The following SPAG16 variants were observed in gnomAD, a reference collection of about 807,000 sequenced individuals.
The protein encoded by SPAG16 is sperm-associated antigen 16 protein.
In SPAG16, 86 loss-of-function variants were observed where a neutral mutation model predicts 80.4. The ratio of observed to expected loss-of-function variants is 1.07; its 90% CI spans 0.90 to 1.28. The LOEUF is 1.28. Among genes scored for constraint, SPAG16 ranks in the 50% most tolerant of loss-of-function variants. The pLI is 0.00. For missense variants in SPAG16, 870 were observed against 765.3 expected, an observed-to-expected ratio of 1.14 and a Z score of -1.61; for synonymous variants, 294 against 265.9, an observed-to-expected ratio of 1.11 and a Z score of -1.03.
Position 213,284,628 on chromosome 2 carries a change from C to A in SPAG16, c.136+9C>A, listed in dbSNP as rs570295523. 2 of 1,603,682 alleles carry A rather than the reference C, an allele frequency of 1.2e-6. No individual in the cohort carries two copies. Among genetic ancestry groups the A allele is most frequent in the African/African-American group, 2.7e-5 (2 of 74,684 alleles). Reference sequence around the variant, plus strand: ...CGCCTACTACCTGGAACGTATCCTTCCCGTGGAGGCGCGGCCCGCTGCGCT... The same window carrying A: ...CGCCTACTACCTGGAACGTATCCTTACCGTGGAGGCGCGGCCCGCTGCGCT... On this transcript the variant is annotated intron_variant, in intron 1 of 15. Transcript: ENST00000331683.
At chr2:213,967,712 A>G (rs1310181567) in intron 12 of SPAG16, among the ~76,000 whole-genome samples, 1 of 152,176 alleles carries the variant, frequency 6.6e-6, no homozygotes, top group African/African-American at 2.4e-5. Context: ...ACCATGTTTT[A>G]TGTTTATTAA....
At chr2:213,678,691 A>C (rs1469538788) in intron 10 of SPAG16, among the ~76,000 whole-genome samples, 1 of 152,056 alleles carries the variant, frequency 6.6e-6, no homozygotes, top group Non-Finnish European at 1.5e-5. Flanking sequence ...CAGAAAGCTC[A>C]CTTCCTGGCA....
At chr2:214,215,129 A>T (rs916435416) in intron 15 of SPAG16, among the ~76,000 whole-genome samples, 1 of 152,190 alleles carries the variant, frequency 6.6e-6, no homozygotes, top group African/African-American at 2.4e-5. Flanking sequence ...ACCTTTCTCA[A>T]TATGACTTAG....
intron 15 of SPAG16, among the ~76,000 whole-genome samples, chr2:214,393,300 G>A (rs1409192731): frequency 6.6e-6 from 1 of 152,120 alleles, no homozygotes; most frequent in Non-Finnish European, 1.5e-5. Flanking sequence ...ATCAGCCCCT[G>A]AAGGAAATAT....
chr2:213,814,649 G>A (rs2072399241), intron 10 of SPAG16, among the ~76,000 whole-genome samples: 1 of 152,072 alleles, frequency 6.6e-6, no homozygotes, highest in South Asian at 2.1e-4. Flanking sequence ...AATTACCTGG[G>A]CATAGTGGCA....
At position 213,391,271 on chromosome 2, in the gene SPAG16, A is replaced by T. The variant is rs183892529; in HGVS notation, c.942+16152A>T. On this transcript the variant is annotated intron_variant, in intron 9 of 15. Transcript: ENST00000331683. ...CGATGGAGCGAGACTCCGTTTCAAA[A>T]AAATAAATAAATAAATGATACATAA... Among the ~76,000 whole-genome samples, 38 of 152,332 alleles carry T rather than the reference A, an allele frequency of 2.5e-4. No homozygotes were observed. In the East Asian group the frequency reaches 2.9e-3, roughly 12 times the overall value.
intron 10 of SPAG16, among the ~76,000 whole-genome samples, chr2:213,778,320 G>T (rs972357376): frequency 6.6e-6 from 1 of 152,038 alleles, no homozygotes; most frequent in African/African-American, 2.4e-5. Flanking sequence ...ACACTATTTT[G>T]AGAATTGACA....
chr2:214,386,110 C>T (rs1022714398), intron 15 of SPAG16, among the ~76,000 whole-genome samples: 2 of 152,042 alleles, frequency 1.3e-5, no homozygotes, highest in Admixed American at 6.5e-5. Context: ...TGCGGTGGCT[C>T]ATGCCTGCAA....
intron 10 of SPAG16, among the ~76,000 whole-genome samples, chr2:213,493,197 C>A (rs534736643): frequency 7.9e-5 from 12 of 152,152 alleles, no homozygotes; most frequent in African/African-American, 2.9e-4. Context: ...ATGACAAGCA[C>A]GACCTAGGAT....
chr2:213,760,889 C>G (rs1371714732), intron 10 of SPAG16, among the ~76,000 whole-genome samples: 1 of 152,180 alleles, frequency 6.6e-6, no homozygotes, highest in African/African-American at 2.4e-5. Flanking sequence ...GAGAAAGAGA[C>G]AGACATCAGG....
chr2:214,177,937 C>A (rs1375174000), intron 15 of SPAG16, among the ~76,000 whole-genome samples: 16 of 37,666 alleles, frequency 4.2e-4, no homozygotes, highest in African/African-American at 9.6e-4. Context: ...ATATATATGG[C>A]CAGAATTGTT....
At chr2:213,882,489 TA>T (rs1316840983) in intron 11 of SPAG16, among the ~76,000 whole-genome samples, 2 of 152,218 alleles carry the variant, frequency 1.3e-5, no homozygotes, top group African/African-American at 4.8e-5. Flanking sequence ...CAGATTTTGA[TA>T]TTTACCTATT....
At chr2:213,856,220 G>A (rs2075161586) in intron 10 of SPAG16, among the ~76,000 whole-genome samples, 1 of 152,140 alleles carries the variant, frequency 6.6e-6, no homozygotes, top group Non-Finnish European at 1.5e-5. Flanking sequence ...ATTCCAAAAT[G>A]TTCTCTTTGA....
intron 10 of SPAG16, among the ~76,000 whole-genome samples, chr2:213,529,146 A>C (rs943545259): frequency 5.3e-5 from 8 of 152,160 alleles, no homozygotes; most frequent in African/African-American, 1.7e-4. Flanking sequence ...CATAAATTTC[A>C]TTATTTTAAG....
chr2:214,268,260 G>C (rs775824786), intron 15 of SPAG16, among the ~76,000 whole-genome samples: 1 of 151,714 alleles, frequency 6.6e-6, no homozygotes, highest in African/African-American at 2.4e-5. Flanking sequence ...CAGTATGAAC[G>C]TTCCTTTATT....
chr2:213,736,393 T>C (rs899962390), intron 10 of SPAG16, among the ~76,000 whole-genome samples: 1 of 151,950 alleles, frequency 6.6e-6, no homozygotes, highest in Non-Finnish European at 1.5e-5. Context: ...TTCCAGGTTA[T>C]TCTCCCATTT....
intron 10 of SPAG16, among the ~76,000 whole-genome samples, chr2:213,839,471 C>T (rs1288711140): frequency 6.6e-6 from 1 of 152,164 alleles, no homozygotes; most frequent in Non-Finnish European, 1.5e-5. Context: ...TATCAATAGA[C>T]TTTCCTTATC....
intron 10 of SPAG16, among the ~76,000 whole-genome samples, chr2:213,559,218 G>A (rs188379579): frequency 2.0e-4 from 30 of 152,170 alleles, no homozygotes; most frequent in Non-Finnish European, 3.1e-4. Flanking sequence ...ATCCTGAACC[G>A]TCTCTGAATT....
chr2:213,575,265 A>G (rs1362654519), intron 10 of SPAG16, among the ~76,000 whole-genome samples: 2 of 152,176 alleles, frequency 1.3e-5, no homozygotes, highest in East Asian at 3.8e-4. Context: ...AAATAACAAG[A>G]TATTACTTGC....
Sources: allele counts gnomAD v4.1 joint callset (sites outside exome capture counted in the v4.1 genomes callset), GRCh38; gene constraint gnomAD v4.1.1; transcripts MANE v1.5; gene names NCBI Gene and HGNC (gene_info 2026-07-23, HGNC 2026-07-21).